ZSCAN5A: variants seen among roughly 807,000 people sequenced by gnomAD.
ZSCAN5A encodes the protein zinc finger and SCAN domain-containing protein 5A.
In ZSCAN5A, 12 loss-of-function variants were observed where a neutral mutation model predicts 23.7. That is an observed-to-expected ratio of 0.51 (90% CI 0.32 to 0.82). The LOEUF (loss-of-function observed/expected upper bound fraction) is 0.82, where lower values mean the gene tolerates loss of function less well. Ranked by LOEUF, ZSCAN5A falls within the 40% of genes least tolerant of loss-of-function variation. ZSCAN5A has a pLI of 0.03. For missense variants in ZSCAN5A, 597 were observed against 617.9 expected (o/e 0.97, Z 0.36); for synonymous variants, 257 against 239.9 (o/e 1.07, Z -0.66).
chr19:56,313,851 A>G (rs944325554), intron 1 of ZSCAN5A, among the ~76,000 whole-genome samples: 1 of 152,202 alleles, frequency 6.6e-6, no homozygotes, highest in Non-Finnish European at 1.5e-5. Context: ...ATCAGATTTC[A>G]ATCATCTGGT....
chr19:56,328,096 A>G (rs1218588719), intron 2 of ZSCAN5A, among the ~76,000 whole-genome samples: 1 of 152,180 alleles, frequency 6.6e-6, no homozygotes, highest in Non-Finnish European at 1.5e-5. Context: ...AGCACAGTGA[A>G]GGGAGAAAGA....
intron 2 of ZSCAN5A, chr19:56,302,114 G>A (rs1429215678): frequency 7.3e-6 from 9 of 1,230,660 alleles, no homozygotes; most frequent in Non-Finnish European, 8.1e-6. Flanking sequence ...AAGGCAGCAC[G>A]GAGGGGAGGA....
In ZSCAN5A at chr19:56,304,202, C is replaced by A. The variant is rs552393461; in HGVS notation, c.-128+9081G>T. Among the ~76,000 whole-genome samples, 213 of 152,202 alleles carry A rather than the reference C, an allele frequency of 1.4e-3. 2 individuals carry two copies. Among genetic ancestry groups the A allele is most frequent in the Non-Finnish European group, 6.9e-4 (47 of 68,002 alleles). On this transcript the variant is annotated intron_variant, in intron 2 of 5. Transcript: ENST00000683990. ...CGACCAGCCAGCGCAGGGGACCTGG[C>A]GGTGCTCATGGAGATGAGAGCCGTG...
chr19:56,313,193 G>C (rs1413223209), intron 2 of ZSCAN5A, 90 bp downstream of exon 2: 1 of 270,100 alleles, frequency 3.7e-6, no homozygotes, highest in East Asian at 1.5e-4. Flanking sequence ...ATGACAGACA[G>C]ATGGAAGATG....
chr19:56,267,182 A>G (rs1364704557), intron 2 of ZSCAN5A, among the ~76,000 whole-genome samples: 3 of 152,046 alleles, frequency 2.0e-5, no homozygotes, highest in Non-Finnish European at 4.4e-5. Flanking sequence ...ACATGGCCCT[A>G]TTTCAGTTTC....
At chr19:56,348,575 G>A (rs1303738950) in intron 2 of ZSCAN5A, among the ~76,000 whole-genome samples, 1 of 152,128 alleles carries the variant, frequency 6.6e-6, no homozygotes, top group Non-Finnish European at 1.5e-5. Flanking sequence ...GCTCTTACAA[G>A]AGCACCTAAA....
chr19:56,336,584 C>T (rs1280406655), intron 2 of ZSCAN5A, among the ~76,000 whole-genome samples: 5 of 151,942 alleles, frequency 3.3e-5, no homozygotes, highest in Non-Finnish European at 2.9e-5. Flanking sequence ...TCTCTCAACT[C>T]GTCAAAGTCA....
At chr19:56,227,579 C>T (rs2034070917) in intron 2 of ZSCAN5A, among the ~76,000 whole-genome samples, 1 of 152,092 alleles carries the variant, frequency 6.6e-6, no homozygotes, top group African/African-American at 2.4e-5. Context: ...AAGTAAGAAA[C>T]AAGACACAGG....
Position 56,327,897 on chromosome 19 carries a change from A to G in ZSCAN5A, c.-357-11629T>C, listed in dbSNP as rs1014405957. 7.9e-5 allele frequency among the ~76,000 whole-genome samples: 12 copies of G among 152,138 alleles called. No individual in the cohort carries two copies. In the South Asian group the frequency reaches 1.9e-3, roughly 24 times the overall value. On this transcript the variant is annotated intron_variant, in intron 2 of 6. Transcript: ENST00000587340. The stretch of plus-strand genomic sequence containing the variant: ...GTGTATATATTTCCCATGTAAATGA[A>G]TATGTGTAGTATAGATAATTCATAT...
chr19:56,222,518 T>C lies in ZSCAN5A; in HGVS notation c.739+73A>G, dbSNP rs1420343981. On this transcript the variant is annotated intron_variant, in intron 5 of 5. Transcript: ENST00000683990. ...GAGTGCCAACTCCCCCAGGGGATGA[T>C]AATGCTGGGCCCCCAGCCCCGCACC... 2.5e-6 allele frequency: 4 copies of C among 1,572,594 alleles called. No homozygotes were observed. In the East Asian group the frequency reaches 6.7e-5, roughly 26 times the overall value.
Position 56,288,299 on chromosome 19 carries a change from C to T in ZSCAN5A, c.-128+24984G>A, listed in dbSNP as rs111957127. On this transcript the variant is annotated intron_variant, in intron 2 of 5. Transcript: ENST00000683990. ...GCAGGCTCCATCCAGCCCAGGAAGA[C>T]GCCCACATCGTTCCCTCTGTCTGCG... Among the ~76,000 whole-genome samples, 1,347 of 152,292 alleles carry T rather than the reference C, an allele frequency of 8.8e-3. 19 individuals are homozygous for T. The highest frequency in any genetic ancestry group is 0.03 in the African/African-American group (1,247 of 41,554).
chr19:56,281,767 G>C, intron 2 of ZSCAN5A: 1 of 941,506 alleles, frequency 1.1e-6, no homozygotes, highest in Non-Finnish European at 1.3e-6. Context: ...GGAAGGGAAT[G>C]AAAGAGAGAG....
intron 2 of ZSCAN5A, chr19:56,321,886 A>G: frequency 1.3e-6 from 1 of 794,506 alleles, no homozygotes; most frequent in Non-Finnish European, 2.3e-6. Flanking sequence ...TGGCACGCTC[A>G]TCAAGGGCTT....
rs1300490196 is a variant in ZSCAN5A, at chr19:56,356,873, G to C, written c.-358+6362C>G. On this transcript the variant is annotated intron_variant, in intron 2 of 6. Coordinates refer to the ZSCAN5A transcript ENST00000587340. The stretch of plus-strand genomic sequence containing the variant: ...GCTTCTCAGGTTCATCCCTGGACCT[G>C]CACTATGATTCCTGCAGACTGAAGG... Among the ~76,000 whole-genome samples the C allele has an allele frequency of 5.4e-5, 8 of 148,538 alleles. 1 individual carries two copies. The highest frequency in any genetic ancestry group is 4.6e-4 in the Admixed American group (7 of 15,068).
At chr19:56,233,365 T>C (rs970813804) in intron 2 of ZSCAN5A, among the ~76,000 whole-genome samples, 3 of 152,082 alleles carry the variant, frequency 2.0e-5, no homozygotes, top group East Asian at 1.9e-4. Flanking sequence ...GTCTTTGAAA[T>C]GGTCCCCGCC....
chr19:56,250,817 T>C (rs575718761), intron 2 of ZSCAN5A, among the ~76,000 whole-genome samples: 23 of 152,302 alleles, frequency 1.5e-4, no homozygotes, highest in African/African-American at 4.8e-4. Flanking sequence ...TTACATTTTA[T>C]TTTCTATGGA....
intron 2 of ZSCAN5A, among the ~76,000 whole-genome samples, chr19:56,329,371 C>T (rs1361535788): frequency 6.6e-6 from 1 of 151,748 alleles, no homozygotes; most frequent in African/African-American, 2.4e-5. Flanking sequence ...CAAAAACAAA[C>T]AAACAAACAA....
Position 56,281,304 on chromosome 19 carries a change from G to A in ZSCAN5A, c.-128+31979C>T, listed in dbSNP as rs138878752. Among the ~76,000 whole-genome samples the A allele has an allele frequency of 4.6e-5, 7 of 152,222 alleles. No individual in the cohort carries two copies. The East Asian group carries it at 1.4e-3, about 29-fold the overall frequency. On this transcript the variant is annotated intron_variant, in intron 2 of 5. Coordinates refer to ENST00000683990, the MANE Select transcript of ZSCAN5A (RefSeq NM_001322064.3). Reference sequence around the variant, plus strand: ...GCAGAAGAAAATGCACATCTAAGTGGATAAGTGTAACCATGTAGTTCAAAC... The same window carrying A: ...GCAGAAGAAAATGCACATCTAAGTGAATAAGTGTAACCATGTAGTTCAAAC...
chr19:56,244,124 T>TC, intron 2 of ZSCAN5A: 1 of 1,573,018 alleles, frequency 6.4e-7, no homozygotes, highest in South Asian at 1.1e-5. Flanking sequence ...GTCTGTGGCT[T>TC]CCCCAGAAAC....
Sources: gnomAD v4.1 joint callset for allele counts (sites outside exome capture counted in the v4.1 genomes callset) on GRCh38, gnomAD v4.1.1 for gene constraint, MANE v1.5 for transcripts, NCBI Gene and HGNC (gene_info 2026-07-23, HGNC 2026-07-21) for gene names.